Variants in MATN2 observed in about 807,000 individuals in gnomAD.
MATN2 encodes the protein matrilin 2, also known as matrilin-2.
A neutral mutation model predicts 103.2 loss-of-function variants in MATN2; 69 were observed. The ratio of observed to expected loss-of-function variants is 0.67; its 90% CI spans 0.55 to 0.82. MATN2 has a LOEUF of 0.82. MATN2 is among the 40% of genes least tolerant of loss of function. MATN2 has a pLI of 0.00. For synonymous variants in MATN2, 429 were observed against 450.2 expected (o/e 0.95, Z 0.60); for missense variants, 1,023 against 1,211.5 (o/e 0.84, Z 2.31).
intron 6 of MATN2, among the ~76,000 whole-genome samples, chr8:97,985,877 T>C (rs1018360614): frequency 2.6e-5 from 4 of 152,234 alleles, no homozygotes; most frequent in African/African-American, 9.6e-5. Flanking sequence ...TGATAACCAT[T>C]GTTTATGCCA....
intron 4 of MATN2, among the ~76,000 whole-genome samples, chr8:97,959,419 C>T (rs1321893969): frequency 3.3e-5 from 5 of 152,134 alleles, no homozygotes; most frequent in Admixed American, 2.0e-4. Context: ...TCTGGCCTAG[C>T]TCATTTAGGT....
At chr8:98,010,604 C>G (rs1013355254) in intron 10 of MATN2, among the ~76,000 whole-genome samples, 1 of 152,154 alleles carries the variant, frequency 6.6e-6, no homozygotes, top group African/African-American at 2.4e-5. Context: ...CATCAGAACC[C>G]CCTGCACTGA....
intron 10 of MATN2, 113 bp from the exon 11 acceptor site, chr8:98,016,427 G>T: frequency 1.1e-6 from 1 of 942,006 alleles, no homozygotes; most frequent in Non-Finnish European, 1.6e-6. Context: ...TGTACTGTAG[G>T]ATAAGGCACT....
At chr8:97,937,339 T>C (rs1810407441) in intron 3 of MATN2, among the ~76,000 whole-genome samples, 1 of 152,122 alleles carries the variant, frequency 6.6e-6, no homozygotes, top group Admixed American at 6.6e-5. Flanking sequence ...GCCTTTACTC[T>C]ACAGGTAAAG....
intron 10 of MATN2, among the ~76,000 whole-genome samples, chr8:98,008,998 G>A (rs1344476947): frequency 6.6e-6 from 1 of 152,170 alleles, no homozygotes; most frequent in South Asian, 2.1e-4. Context: ...CCACTTTTAA[G>A]TGTTGCCCAT....
chr8:97,947,147 G>T (rs948671788), intron 4 of MATN2, among the ~76,000 whole-genome samples: 6 of 152,138 alleles, frequency 3.9e-5, no homozygotes, highest in African/African-American at 1.4e-4. Context: ...TGAGTTGGGC[G>T]TATCACCTGA....
Position 97,930,938 on chromosome 8 carries a change from C to T in MATN2, c.143-15C>T, listed in dbSNP as rs1810162719. On this transcript the variant is annotated splice_polypyrimidine_tract_variant and intron_variant, in intron 2 of 18. Coordinates refer to ENST00000254898, the MANE Select transcript of MATN2 (RefSeq NM_002380.5). Reference sequence around the variant, plus strand: ...GCCTCTCTTCTAATGTATTTGACCTCTCCTCTTTCCCCAGAGAGTTCCTGT... The same window carrying T: ...GCCTCTCTTCTAATGTATTTGACCTTTCCTCTTTCCCCAGAGAGTTCCTGT... 2 of 1,584,026 alleles carry T rather than the reference C, an allele frequency of 1.3e-6. No homozygotes were observed. Among genetic ancestry groups the T allele is most frequent in the Middle Eastern group, 1.7e-4 (1 of 5,954 alleles).
At chr8:98,008,864 C>T (rs1813064223) in intron 10 of MATN2, among the ~76,000 whole-genome samples, 1 of 152,208 alleles carries the variant, frequency 6.6e-6, no homozygotes, top group African/African-American at 2.4e-5. Context: ...GAACTGACTA[C>T]AAGATGGTTG....
intron 4 of MATN2, 59 bp from the exon 5 acceptor site, chr8:97,961,349 G>A (rs1405942516): frequency 5.3e-6 from 8 of 1,518,292 alleles, no homozygotes; most frequent in Non-Finnish European, 7.1e-6. Flanking sequence ...CTCACCCTGG[G>A]CTGGGAGCAT....
In MATN2 at chr8:98,007,310, C is replaced by T; in HGVS notation, c.1450+83C>T. ...GTGACTGCAGAGGGCACAGGTTGTA[C>T]TTGGGCACCCCTCCCCTGCCCCTTG... On this transcript the variant is annotated intron_variant, in intron 9 of 18. Coordinates refer to ENST00000254898, the MANE Select transcript of MATN2 (RefSeq NM_002380.5). This position sits in a 1 kb window ranked among gnomAD's most constrained non-coding sequence, Gnocchi z 4.2. 2 of 1,588,404 alleles carry T rather than the reference C, an allele frequency of 1.3e-6. No homozygotes were observed. The highest frequency in any genetic ancestry group is 1.1e-5 in the South Asian group (1 of 89,336).
intron 6 of MATN2, among the ~76,000 whole-genome samples, chr8:97,987,515 TTTC>T (rs1282266420): frequency 1.3e-5 from 2 of 152,166 alleles, no homozygotes; most frequent in Admixed American, 6.5e-5. Flanking sequence ...TAGGAGAAAA[TTTC>T]TTCTTCTTGC....
At chr8:97,969,222 C>T (rs1811580378) in intron 5 of MATN2, among the ~76,000 whole-genome samples, 1 of 152,192 alleles carries the variant, frequency 6.6e-6, no homozygotes, top group African/African-American at 2.4e-5. Context: ...GGGGATCTGT[C>T]CCTGTGATCC....
In MATN2 at chr8:98,027,714, C is replaced by G; in HGVS notation, c.2241C>G (p.Thr747=). The change falls in exon 14 of 19, where the codon ACC becomes ACG. Residue 747 remains threonine (T), a synonymous_variant. Coordinates refer to ENST00000254898, the MANE Select transcript of MATN2 (RefSeq NM_002380.5). ...ALKHMFERSF[T]QGEGARPLST... is the part of the protein sequence containing the mutation. ...AACACATGTTTGAGAGAAGTTTTAC[C>G]CAAGGAGAAGGGGCCAGGCCCCTTT... 1 of 1,613,914 alleles carries G rather than the reference C, an allele frequency of 6.2e-7. No individual in the cohort carries two copies. Among genetic ancestry groups the G allele is most frequent in the Non-Finnish European group, 8.5e-7 (1 of 1,179,862 alleles).
chr8:97,939,967 T>G (rs1810500708), intron 3 of MATN2, among the ~76,000 whole-genome samples: 1 of 152,202 alleles, frequency 6.6e-6, no homozygotes, highest in Non-Finnish European at 1.5e-5. Flanking sequence ...AACCTACAGA[T>G]GTAAAATAAG....
intron 3 of MATN2, among the ~76,000 whole-genome samples, chr8:97,932,612 C>G (rs1005621319): frequency 3.9e-5 from 6 of 152,230 alleles, no homozygotes; most frequent in African/African-American, 1.2e-4. Context: ...CTGCTGCCCC[C>G]ACTCTTCTCA....
At chr8:97,978,780 A>C in intron 5 of MATN2, 106 bp from the exon 6 acceptor site, 1 of 1,076,548 alleles carries the variant, frequency 9.3e-7, no homozygotes. Flanking sequence ...TTTGGGGGGC[A>C]ATAATATTAA....
chr8:97,956,598 T>C (rs1159225746), intron 4 of MATN2, among the ~76,000 whole-genome samples: 2 of 152,188 alleles, frequency 1.3e-5, no homozygotes, highest in South Asian at 2.1e-4. Flanking sequence ...GGTGTTGCCA[T>C]GGCAATGGTA....
intron 6 of MATN2, among the ~76,000 whole-genome samples, chr8:97,981,549 G>A (rs1459961747): frequency 2.0e-5 from 3 of 152,034 alleles, no homozygotes; most frequent in Non-Finnish European, 4.4e-5. Flanking sequence ...GCTGAGTCAT[G>A]GTGCCAGGAG....
At chr8:98,013,722 A>G (rs1465568012) in intron 10 of MATN2, among the ~76,000 whole-genome samples, 1 of 152,222 alleles carries the variant, frequency 6.6e-6, no homozygotes, top group African/African-American at 2.4e-5. Flanking sequence ...ATCTGCCTTT[A>G]AGTATTCATA....
Sources: gnomAD v4.1 joint callset for allele counts (sites outside exome capture counted in the v4.1 genomes callset) on GRCh38, gnomAD v4.1.1 for gene constraint, Gnocchi (gnomAD v3.1) non-coding constraint, MANE v1.5 for transcripts, NCBI Gene and HGNC (gene_info 2026-07-23, HGNC 2026-07-21) for gene names.